OSBPL10: variants seen among roughly 807,000 people sequenced by gnomAD.
OSBPL10 encodes the protein oxysterol-binding protein-related protein 10.
A neutral mutation model predicts 81.7 loss-of-function variants in OSBPL10; 49 were observed. The ratio of observed to expected loss-of-function variants is 0.60; its 90% confidence interval spans 0.48 to 0.76. The LOEUF is 0.76. OSBPL10 is among the 30% of genes least tolerant of loss of function. The probability of loss-of-function intolerance (pLI) is 0.00; values close to 1 mark genes in which losing one functional copy is unlikely to be tolerated. For missense variants in OSBPL10, 923 were observed against 987.8 expected (o/e 0.93, Z 0.88); for synonymous variants, 419 against 383.6 (o/e 1.09, Z -1.08).
chr3:31,784,609 G>A (rs1698812204), intron 4 of OSBPL10, among the ~76,000 whole-genome samples: 1 of 152,034 alleles, frequency 6.6e-6, no homozygotes, highest in South Asian at 2.1e-4. Context: ...TTGAGACAAG[G>A]TCTCGCTTTG....
intron 4 of OSBPL10, among the ~76,000 whole-genome samples, chr3:31,772,853 TA>T (rs1235087431): frequency 6.6e-6 from 1 of 152,238 alleles, no homozygotes; most frequent in East Asian, 1.9e-4. Flanking sequence ...ACTGTATTTT[TA>T]AAATTCTTTC....
chr3:31,766,369 T>G (rs921152743), intron 4 of OSBPL10, among the ~76,000 whole-genome samples: 14 of 132,210 alleles, frequency 1.1e-4, no homozygotes, highest in Admixed American at 7.7e-4. Flanking sequence ...AGACACGGTC[T>G]CACTTCATCA....
Position 31,993,529 on chromosome 3 carries a change from C to CA in OSBPL10, n.298+52961dup, listed in dbSNP as rs539316928. 5.3e-5 allele frequency among the ~76,000 whole-genome samples: 8 copies of CA among 152,150 alleles called. No homozygotes were observed. In the South Asian group the frequency reaches 1.0e-3, roughly 20 times the overall value. On this transcript the variant is annotated intron_variant and non_coding_transcript_variant, in intron 2 of 3. Transcript: ENST00000479173. ...AGACAAGAAAACCCTTTTTTAATCACAAAAAATGTGAGCATTCACTTCACC... is the reference window on the plus strand; with the variant it reads ...AGACAAGAAAACCCTTTTTTAATCACAAAAAAATGTGAGCATTCACTTCACC...
chr3:31,912,563 C>T (rs1429608958), intron 1 of OSBPL10, among the ~76,000 whole-genome samples: 7 of 152,144 alleles, frequency 4.6e-5, no homozygotes, highest in African/African-American at 1.7e-4. Flanking sequence ...AAGAAGCTCT[C>T]GCCCTCTTAT....
At chr3:31,989,576 T>G (rs535280784) in intron 2 of OSBPL10, 1 of 1,614,172 alleles carries the variant, frequency 6.2e-7, no homozygotes, top group Non-Finnish European at 8.5e-7. Context: ...CTTCCTGAAC[T>G]CCACATATTT....
chr3:31,858,099 C>A (rs1700972611), intron 3 of OSBPL10, among the ~76,000 whole-genome samples: 1 of 151,340 alleles, frequency 6.6e-6, no homozygotes, highest in African/African-American at 2.4e-5. Context: ...TGGGCTTAAG[C>A]AATCCTGCCA....
At chr3:31,976,895 T>C (rs1698708029) in intron 1 of OSBPL10, among the ~76,000 whole-genome samples, 1 of 152,230 alleles carries the variant, frequency 6.6e-6, no homozygotes, top group African/African-American at 2.4e-5. Flanking sequence ...TAAGAAAAAG[T>C]GAATGGCAAT....
At chr3:31,837,622 A>T (rs2125546377) in intron 3 of OSBPL10, among the ~76,000 whole-genome samples, 1 of 143,596 alleles carries the variant, frequency 7.0e-6, no homozygotes, top group South Asian at 2.3e-4. Context: ...CTAGAAAACA[A>T]TCACTGTAGA....
chr3:31,765,755 C>G (rs1465860127), intron 4 of OSBPL10, among the ~76,000 whole-genome samples: 1 of 152,010 alleles, frequency 6.6e-6, no homozygotes, highest in Non-Finnish European at 1.5e-5. Context: ...GGTTTTTTTT[C>G]TTGCTCTATC....
intron 1 of OSBPL10, among the ~76,000 whole-genome samples, chr3:31,913,027 C>T (rs933378490): frequency 6.6e-6 from 1 of 152,150 alleles, no homozygotes; most frequent in Non-Finnish European, 1.5e-5. Flanking sequence ...TACCCACACA[C>T]CCGCATATAT....
intron 1 of OSBPL10, among the ~76,000 whole-genome samples, chr3:31,959,340 T>C (rs75805612): frequency 2.0e-5 from 3 of 152,228 alleles, no homozygotes; most frequent in Non-Finnish European, 4.4e-5. Flanking sequence ...CAGTTCTGTA[T>C]TCATAACCTG....
chr3:31,825,226 A>G (rs1700071333), intron 4 of OSBPL10, among the ~76,000 whole-genome samples: 1 of 152,240 alleles, frequency 6.6e-6, no homozygotes, highest in African/African-American at 2.4e-5. Context: ...AGAGCAAGGC[A>G]TGAACTCAAA....
chr3:31,810,727 T>C (rs1432746413), intron 4 of OSBPL10, among the ~76,000 whole-genome samples: 2 of 152,116 alleles, frequency 1.3e-5, no homozygotes, highest in African/African-American at 4.8e-5. Context: ...AAATTAAAAT[T>C]ATGAGATACA....
At chr3:31,779,425 A>G (rs78341702) in intron 4 of OSBPL10, among the ~76,000 whole-genome samples, 13,743 of 152,260 alleles carry the variant, frequency 0.09, 824 homozygotes, top group African/African-American at 0.18. Flanking sequence ...TTATTCTATC[A>G]GACAAAGGAC....
chr3:31,786,814 A>G (rs1268430787), intron 4 of OSBPL10, among the ~76,000 whole-genome samples: 1 of 152,186 alleles, frequency 6.6e-6, no homozygotes, highest in East Asian at 1.9e-4. Context: ...ATCATGGCAC[A>G]CTTCTCAGGT....
At chr3:31,711,310 T>C in intron 6 of OSBPL10, among the ~76,000 whole-genome samples, 1 of 152,050 alleles carries the variant, frequency 6.6e-6, no homozygotes, top group East Asian at 1.9e-4. Context: ...TGGGTGGAGG[T>C]GGACGTAGAG....
In OSBPL10 at chr3:31,935,811, C is replaced by T. The variant is rs117369279; in HGVS notation, c.281+45088G>A. Among the ~76,000 whole-genome samples the T allele has an allele frequency of 0.016, 2,407 of 152,072 alleles. 231 individuals are homozygous for T. The East Asian group carries it at 0.26, about 16-fold the overall frequency. ...TCCTGGGATTACAGGCATGAGCCAC[C>T]GCACCCGGCCAAAATAATTGGTTTT... On this transcript the variant is annotated intron_variant, in intron 1 of 11. Transcript: ENST00000396556.
intron 3 of OSBPL10, among the ~76,000 whole-genome samples, chr3:31,839,484 A>C (rs912314414): frequency 1.3e-5 from 2 of 151,948 alleles, no homozygotes; most frequent in African/African-American, 4.8e-5. Flanking sequence ...CTAAAAAGAC[A>C]AATAGGTGAA....
rs564377932 is a variant in OSBPL10 at position 31,844,972 on chromosome 3, T to C, written c.538-14741A>G. 2.6e-5 allele frequency among the ~76,000 whole-genome samples: 4 copies of C among 152,190 alleles called. No individual in the cohort carries two copies. In the South Asian group the frequency reaches 6.2e-4, roughly 24 times the overall value. ...TTGTGCACACCTGCAACCCCAGTTATTTGGGAGGCTGAGGCAGGAGGATCA... is the reference window on the plus strand; with the variant it reads ...TTGTGCACACCTGCAACCCCAGTTACTTGGGAGGCTGAGGCAGGAGGATCA... On this transcript the variant is annotated intron_variant, in intron 3 of 11. Coordinates refer to ENST00000396556, the MANE Select transcript of OSBPL10 (RefSeq NM_017784.5).
Sources: allele counts gnomAD v4.1 joint callset (sites outside exome capture counted in the v4.1 genomes callset), GRCh38; gene constraint gnomAD v4.1.1; transcripts MANE v1.5; gene names NCBI Gene and HGNC (gene_info 2026-07-23, HGNC 2026-07-21).